Variants in DLG2 observed in about 807,000 individuals in gnomAD.
DLG2 encodes disks large homolog 2.
DLG2 carries 45 observed loss-of-function variants against 132.5 expected under a neutral mutation model. That is an observed-to-expected ratio of 0.34 (90% CI 0.27 to 0.44). The LOEUF is 0.44. Ranked by LOEUF, DLG2 falls within the 20% of genes least tolerant of loss-of-function variation. The pLI is 1.00. For missense variants in DLG2, 1,045 were observed against 1,196.9 expected, an observed-to-expected ratio of 0.87 and a Z score of 1.87; for synonymous variants, 424 against 419.6, an observed-to-expected ratio of 1.01 and a Z score of -0.13.
At chr11:85,438,599 A>C (rs1169825803) in intron 3 of DLG2, among the ~76,000 whole-genome samples, 1 of 152,228 alleles carries the variant, frequency 6.6e-6, no homozygotes, top group African/African-American at 2.4e-5. Context: ...ACTATAGTAC[A>C]ATATCACAAA....
intron 19 of DLG2, among the ~76,000 whole-genome samples, chr11:83,623,121 A>G (rs2061895186): frequency 6.6e-6 from 1 of 152,154 alleles, no homozygotes; most frequent in Admixed American, 6.5e-5. Flanking sequence ...TATATTTAAG[A>G]TAGTTAAGTC....
At chr11:84,606,840 G>C (rs1225841113) in intron 6 of DLG2, among the ~76,000 whole-genome samples, 1 of 152,110 alleles carries the variant, frequency 6.6e-6, no homozygotes, top group East Asian at 1.9e-4. Context: ...TGGTGGTGTA[G>C]TATCAATTCT....
At chr11:85,085,611 A>G (rs1371606535) in intron 6 of DLG2, among the ~76,000 whole-genome samples, 2 of 152,160 alleles carry the variant, frequency 1.3e-5, no homozygotes, top group Admixed American at 1.3e-4. Flanking sequence ...GAAAAGAACT[A>G]GACTAAGACT....
At chr11:85,033,491 G>C (rs2061197655) in intron 6 of DLG2, among the ~76,000 whole-genome samples, 2 of 151,976 alleles carry the variant, frequency 1.3e-5, no homozygotes, top group South Asian at 4.1e-4. Flanking sequence ...GATTTTATAT[G>C]GTTCAAGCAA....
chr11:84,988,954 G>C (rs562388909), intron 6 of DLG2, among the ~76,000 whole-genome samples: 119 of 152,098 alleles, frequency 7.8e-4, no homozygotes, highest in Admixed American at 1.6e-3. Context: ...TTTCTACATA[G>C]GAAAATCCTA....
intron 18 of DLG2, among the ~76,000 whole-genome samples, chr11:83,705,287 A>G (rs914282995): frequency 6.6e-6 from 1 of 152,198 alleles, no homozygotes; most frequent in African/African-American, 2.4e-5. Flanking sequence ...CTAAAAATCA[A>G]CTTATTTGTT....
At chr11:85,466,611 G>C (rs2092799525) in intron 3 of DLG2, among the ~76,000 whole-genome samples, 1 of 152,158 alleles carries the variant, frequency 6.6e-6, no homozygotes, top group African/African-American at 2.4e-5. Context: ...TCAAAGATCA[G>C]ATCGTTGTAG....
chr11:85,132,825 A>G (rs1239283855), intron 5 of DLG2: 3 of 456,622 alleles, frequency 6.6e-6, no homozygotes, highest in African/African-American at 6.0e-5. Context: ...GACTCAGTAC[A>G]TGGAAATCAC....
chr11:85,228,555 C>T (rs1375733943), intron 4 of DLG2, among the ~76,000 whole-genome samples: 1 of 151,916 alleles, frequency 6.6e-6, no homozygotes, highest in Non-Finnish European at 1.5e-5. Context: ...TTTAGTTTCC[C>T]TTTATCATTA....
chr11:85,245,266 G>C (rs1268871335), intron 4 of DLG2, among the ~76,000 whole-genome samples: 1 of 151,854 alleles, frequency 6.6e-6, no homozygotes, highest in Non-Finnish European at 1.5e-5. Flanking sequence ...GGAATTTCAA[G>C]TTCAGTCTAT....
chr11:83,895,929 C>G (rs1451132848), intron 15 of DLG2, among the ~76,000 whole-genome samples: 1 of 152,214 alleles, frequency 6.6e-6, no homozygotes, highest in African/African-American at 2.4e-5. Flanking sequence ...ATCTATTGAA[C>G]TGAACACTGT....
chr11:85,207,538 T>G (rs1161800363), intron 4 of DLG2, among the ~76,000 whole-genome samples: 1 of 152,176 alleles, frequency 6.6e-6, no homozygotes, highest in East Asian at 1.9e-4. Flanking sequence ...AGTGGGTAAG[T>G]TCAAGTCCTT....
At chr11:85,503,944 G>A (rs115185641) in intron 3 of DLG2, among the ~76,000 whole-genome samples, 2 of 151,814 alleles carry the variant, frequency 1.3e-5, no homozygotes, top group Non-Finnish European at 3.0e-5. Flanking sequence ...GAAGGAGGAG[G>A]AGGAGGAGGA....
intron 5 of DLG2, among the ~76,000 whole-genome samples, chr11:85,128,532 T>C (rs990167737): frequency 2.6e-5 from 4 of 152,200 alleles, no homozygotes; most frequent in East Asian, 1.9e-4. Flanking sequence ...TTATTACATA[T>C]GATACTTGAG....
At chr11:83,900,590 C>T (rs2073140414) in intron 15 of DLG2, among the ~76,000 whole-genome samples, 1 of 152,182 alleles carries the variant, frequency 6.6e-6, no homozygotes, top group African/African-American at 2.4e-5. Flanking sequence ...TTGGCAGCTT[C>T]CATGTTGTAC....
chr11:85,216,449 C>A (rs1343128890), intron 4 of DLG2, among the ~76,000 whole-genome samples: 1 of 152,076 alleles, frequency 6.6e-6, no homozygotes, highest in Non-Finnish European at 1.5e-5. Flanking sequence ...TTATTCATAT[C>A]TTTGACAAAA....
chr11:84,697,270 A>G (rs2058713767), intron 6 of DLG2, among the ~76,000 whole-genome samples: 1 of 151,468 alleles, frequency 6.6e-6, no homozygotes, highest in Admixed American at 6.6e-5. Context: ...CTGAGGCAGT[A>G]TAATCACAAA....
intron 6 of DLG2, among the ~76,000 whole-genome samples, chr11:85,019,196 T>C (rs2059822773): frequency 6.6e-6 from 1 of 152,220 alleles, no homozygotes; most frequent in South Asian, 2.1e-4. Context: ...CCATACATCC[T>C]TTTTATTGTT....
At chr11:83,471,819 A>G in intron 23 of DLG2, 92 bp from the exon 24 acceptor site, 1 of 986,988 alleles carries the variant, frequency 1.0e-6, no homozygotes, top group Non-Finnish European at 1.6e-6. Context: ...ATTGCCAGAC[A>G]GTAAGAGATG....
Sources: gnomAD v4.1 joint callset for allele counts (sites outside exome capture counted in the v4.1 genomes callset) on GRCh38, gnomAD v4.1.1 for gene constraint, MANE v1.5 for transcripts, NCBI Gene and HGNC (gene_info 2026-07-23, HGNC 2026-07-21) for gene names.